RNF157: variants seen among roughly 807,000 people sequenced by gnomAD.
RNF157 encodes E3 ubiquitin ligase RNF157.
RNF157 carries 55 observed loss-of-function variants against 88.3 expected under a neutral mutation model. The ratio of observed to expected loss-of-function variants is 0.62; its 90% CI spans 0.50 to 0.78. RNF157 has a LOEUF of 0.78. Among genes scored for constraint, RNF157 ranks in the 30% least tolerant of loss-of-function variants. The pLI, the probability that RNF157 is intolerant of heterozygous loss-of-function variation, is 0.00. For missense variants in RNF157, 788 were observed against 860.8 expected, an observed-to-expected ratio of 0.92 and a Z score of 1.06; for synonymous variants, 334 against 341.2, an observed-to-expected ratio of 0.98 and a Z score of 0.23.
intron 2 of RNF157, among the ~76,000 whole-genome samples, chr17:76,211,210 G>A (rs888608159): frequency 1.3e-5 from 2 of 152,184 alleles, no homozygotes; most frequent in African/African-American, 2.4e-5. Flanking sequence ...TACCTGACAC[G>A]CAGTAGTTGC....
chr17:76,175,841 GA>G, intron 2 of RNF157: 1 of 953,408 alleles, frequency 1.0e-6, no homozygotes, highest in Non-Finnish European at 1.2e-6. Context: ...AAAATAAAAA[GA>G]AAGAAAAAAA....
rs553918046 is a variant in RNF157, at chr17:76,156,293, T to C, written c.1442A>G (p.Asn481Ser). 1.2e-6 allele frequency: 2 copies of C among 1,613,920 alleles called. No individual in the cohort carries two copies. The highest frequency in any genetic ancestry group is 2.7e-5 in the African/African-American group (2 of 74,882). Residue 481 changes from asparagine to serine, a missense_variant, in exon 14 of 19, where the codon AAT becomes AGT. Transcript: ENST00000269391. ...AGCTCCAGATGACGACAAGGTGAGA[T>C]TCTCACTTTCTGGAGTCACACCACA... ...EECGVTPESE[N>S]LTLSSSGAID...
chr17:76,190,881 C>T (rs1277910405), intron 2 of RNF157, among the ~76,000 whole-genome samples: 2 of 150,990 alleles, frequency 1.3e-5, no homozygotes, highest in Non-Finnish European at 1.5e-5. Context: ...GCACTCCAGC[C>T]TGGGCGACAG....
intron 1 of RNF157, among the ~76,000 whole-genome samples, chr17:76,239,436 TCC>T (rs2070335613): frequency 6.6e-6 from 1 of 152,050 alleles, no homozygotes; most frequent in Non-Finnish European, 1.5e-5. Flanking sequence ...CCAGAGCTGG[TCC>T]CACTCCAAAA....
intron 2 of RNF157, among the ~76,000 whole-genome samples, chr17:76,197,693 C>T (rs566896780): frequency 9.6e-4 from 146 of 152,222 alleles, no homozygotes; most frequent in African/African-American, 3.4e-3. Flanking sequence ...CTCAGCCTCC[C>T]GAGTGCTGGG....
chr17:76,191,806 G>A (rs1363048579), intron 2 of RNF157, among the ~76,000 whole-genome samples: 1 of 152,024 alleles, frequency 6.6e-6, no homozygotes, highest in African/African-American at 2.4e-5. Flanking sequence ...TAAAGTATAT[G>A]TCTGATTAAT....
rs376962117 is a variant in RNF157, at chr17:76,159,317, G to T, written c.1304+18C>A. The T allele has an allele frequency of 6.3e-7, 1 of 1,594,674 alleles. No individual in the cohort carries two copies. Among genetic ancestry groups the T allele is most frequent in the Non-Finnish European group, 8.6e-7 (1 of 1,162,820 alleles). ...TCAAGGATTCCGGGGGCAACAGTGTGGAGCACTGGCTACTCACTTGGAGAG... is the reference window on the plus strand; with the variant it reads ...TCAAGGATTCCGGGGGCAACAGTGTTGAGCACTGGCTACTCACTTGGAGAG... On this transcript the variant is annotated intron_variant, in intron 12 of 18. Transcript: ENST00000269391.
At chr17:76,196,573 T>G (rs1037647220) in intron 2 of RNF157, among the ~76,000 whole-genome samples, 2 of 152,198 alleles carry the variant, frequency 1.3e-5, no homozygotes, top group Non-Finnish European at 2.9e-5. Flanking sequence ...TGATCTCCAA[T>G]ATGATACACC....
intron 1 of RNF157, among the ~76,000 whole-genome samples, chr17:76,235,012 T>A (rs943927884): frequency 1.3e-5 from 2 of 152,228 alleles, no homozygotes; most frequent in African/African-American, 4.8e-5. Flanking sequence ...CACTGATCTA[T>A]ATGCTCTTCA....
chr17:76,161,698 T>G lies in RNF157; in HGVS notation c.953-51A>C, dbSNP rs759300142. The G allele has an allele frequency of 1.3e-6, 2 of 1,558,686 alleles. No individual in the cohort carries two copies. The highest frequency in any genetic ancestry group is 4.5e-5 in the East Asian group (2 of 44,426). On this transcript the variant is annotated intron_variant, in intron 10 of 18. Transcript: ENST00000269391. This position sits in a 1 kb window ranked among gnomAD's most constrained non-coding sequence, Gnocchi z 4.6. ...GGACATCCTGATACAGGATTAAGAA[T>G]GAACAAGAGCCCAGACAGAAACCAT...
Position 76,176,986 on chromosome 17 carries a change from T to C in RNF157, c.208-3196A>G, listed in dbSNP as rs1158526245. ...GCTGCGCCCCCAGGTCTGCCCCACA[T>C]TGGGGTGACCACTGAGCCTGACACT... On this transcript the variant is annotated intron_variant, in intron 2 of 18. Coordinates refer to ENST00000269391, the MANE Select transcript of RNF157 (RefSeq NM_052916.3). This position sits in a 1 kb window ranked among gnomAD's most constrained non-coding sequence, Gnocchi z 4.2. Among the ~76,000 whole-genome samples the C allele has an allele frequency of 6.6e-6, 1 of 151,998 alleles. No homozygotes were observed. The highest frequency in any genetic ancestry group is 6.5e-5 in the Admixed American group (1 of 15,288).
At chr17:76,175,798 C>A in intron 2 of RNF157, 1 of 985,114 alleles carries the variant, frequency 1.0e-6, no homozygotes, top group Non-Finnish European at 1.2e-6. Flanking sequence ...TACTCTTTCT[C>A]CTCCATAGCC....
chr17:76,192,316 T>C (rs1441793462), intron 2 of RNF157, among the ~76,000 whole-genome samples: 1 of 152,190 alleles, frequency 6.6e-6, no homozygotes, highest in Non-Finnish European at 1.5e-5. Context: ...TAAAGTTCCT[T>C]TCTCCAAGCT....
Position 76,240,078 on chromosome 17 carries a change from C to G in RNF157, c.88+75G>C. Reference sequence around the variant, plus strand: ...AGTCCCCGAAGACCCGCGGGGCCCCCTCAGGCCGTCCCGACCCAGACCCCT... The same window carrying G: ...AGTCCCCGAAGACCCGCGGGGCCCCGTCAGGCCGTCCCGACCCAGACCCCT... On this transcript the variant is annotated intron_variant, in intron 1 of 18. Coordinates refer to ENST00000269391, the MANE Select transcript of RNF157 (RefSeq NM_052916.3). This position sits in a 1 kb window ranked among gnomAD's most constrained non-coding sequence, Gnocchi z 4.4. 1 of 941,210 alleles carries G rather than the reference C, an allele frequency of 1.1e-6. No individual in the cohort carries two copies. The allele number at this position is 941,210 out of a possible 1,614,324, so 58.3% of individuals were successfully genotyped here.
intron 1 of RNF157, chr17:76,226,038 G>A: frequency 1.2e-6 from 2 of 1,610,668 alleles, no homozygotes. Context: ...GGTTTGGGGT[G>A]GGCAGACCCA....
At chr17:76,205,760 T>A (rs977704453) in intron 2 of RNF157, among the ~76,000 whole-genome samples, 11 of 148,354 alleles carry the variant, frequency 7.4e-5, no homozygotes, top group Admixed American at 2.0e-4. Context: ...AATAAATAAA[T>A]AAAATAATAA....
At chr17:76,193,665 C>T (rs1337832594) in intron 2 of RNF157, among the ~76,000 whole-genome samples, 1 of 152,040 alleles carries the variant, frequency 6.6e-6, no homozygotes, top group Non-Finnish European at 1.5e-5. Context: ...GAGTTAAGCA[C>T]GTTCTCCTTT....
Position 76,157,325 on chromosome 17 carries a change from C to T in RNF157, c.1414-1004G>A, listed in dbSNP as rs142383206. 1.4e-4 allele frequency among the ~76,000 whole-genome samples: 21 copies of T among 152,310 alleles called. No individual in the cohort carries two copies. In the East Asian group the frequency reaches 3.7e-3, roughly 27 times the overall value. The stretch of plus-strand genomic sequence containing the variant: ...CCCTCTCCTGGCTGGGTCTGTCTCC[C>T]GTCTAGTCCAGGCTGCACACTGCGG... On this transcript the variant is annotated intron_variant, in intron 13 of 18. Transcript: ENST00000269391. This position sits in a 1 kb window ranked among gnomAD's most constrained non-coding sequence, Gnocchi z 5.6.
chr17:76,210,850 G>A (rs1026044601), intron 2 of RNF157, among the ~76,000 whole-genome samples: 19 of 151,984 alleles, frequency 1.3e-4, no homozygotes, highest in African/African-American at 4.6e-4. Flanking sequence ...TATCCCCTAG[G>A]CTGGAGCGCA....
Sources: gnomAD v4.1 joint callset for allele counts (sites outside exome capture counted in the v4.1 genomes callset) on GRCh38, gnomAD v4.1.1 for gene constraint, Gnocchi (gnomAD v3.1) non-coding constraint, MANE v1.5 for transcripts, NCBI Gene and HGNC (gene_info 2026-07-23, HGNC 2026-07-21) for gene names.